The following PHKB variants were observed in gnomAD, a reference collection of about 807,000 sequenced individuals.
The protein encoded by PHKB is phosphorylase b kinase regulatory subunit beta.
Under a neutral mutation model 152.1 loss-of-function variants are expected in PHKB, and 122 were observed. The observed-to-expected ratio is 0.80, with a 90% CI of 0.69 to 0.93. The LOEUF (loss-of-function observed/expected upper bound fraction) is 0.93, where lower values mean the gene tolerates loss of function less well. PHKB is among the 40% of genes least tolerant of loss of function. The probability of loss-of-function intolerance (pLI) is 0.00; values close to 1 mark genes in which losing one functional copy is unlikely to be tolerated. For synonymous variants in PHKB, 436 were observed against 464.9 expected (o/e 0.94, Z 0.80); for missense variants, 1,304 against 1,328.4 (o/e 0.98, Z 0.29).
intron 1 of PHKB, among the ~76,000 whole-genome samples, chr16:47,487,633 C>A (rs1970072192): frequency 6.6e-6 from 1 of 152,106 alleles, no homozygotes; most frequent in South Asian, 2.1e-4. Flanking sequence ...GTCTATTGTT[C>A]CCTTCTTTGT....
chr16:47,674,691 G>A (rs952668991), intron 26 of PHKB, among the ~76,000 whole-genome samples: 7 of 152,298 alleles, frequency 4.6e-5, no homozygotes, highest in South Asian at 4.1e-4. Context: ...AGACTAACCC[G>A]TCTTTGTAGG....
chr16:47,530,042 T>C (rs1970834173), intron 6 of PHKB: 1 of 151,990 alleles, frequency 6.6e-6, no homozygotes, highest in Non-Finnish European at 1.5e-5. Context: ...TAATAAAATA[T>C]ATCTACCAAA....
chr16:47,492,546 G>A (rs1396773530), intron 1 of PHKB, among the ~76,000 whole-genome samples: 1 of 152,196 alleles, frequency 6.6e-6, no homozygotes, highest in African/African-American at 2.4e-5. Flanking sequence ...CCTTCTGGCT[G>A]GGGGAGCGGA....
chr16:47,657,625 T>C (rs902291781), intron 20 of PHKB, among the ~76,000 whole-genome samples: 2 of 152,190 alleles, frequency 1.3e-5, no homozygotes, highest in South Asian at 4.1e-4. Flanking sequence ...ATTTTTTTTT[T>C]AATCAAAAGC....
intron 14 of PHKB, among the ~76,000 whole-genome samples, chr16:47,616,731 A>G (rs1206038950): frequency 8.0e-5 from 12 of 150,836 alleles, no homozygotes; most frequent in African/African-American, 2.9e-4. Context: ...AACCTAACCC[A>G]GCGGTGCTAG....
chr16:47,486,202 G>A (rs1186112083), intron 1 of PHKB, among the ~76,000 whole-genome samples: 1 of 152,088 alleles, frequency 6.6e-6, no homozygotes, highest in African/African-American at 2.4e-5. Context: ...GCAGAAGATC[G>A]AACAATTAAC....
chr16:47,583,932 G>A (rs1386087114), intron 8 of PHKB, among the ~76,000 whole-genome samples: 1 of 151,990 alleles, frequency 6.6e-6, no homozygotes. Context: ...CAGCATATGA[G>A]ATAAAACAAA....
intron 1 of PHKB, among the ~76,000 whole-genome samples, chr16:47,484,152 T>A (rs995245854): frequency 2.0e-5 from 3 of 152,182 alleles, no homozygotes; most frequent in African/African-American, 7.2e-5. Context: ...ACATGAAACA[T>A]CAACCAGGTT....
chr16:47,614,448 C>A (rs1254207413), intron 14 of PHKB, among the ~76,000 whole-genome samples: 1 of 152,168 alleles, frequency 6.6e-6, no homozygotes. Context: ...GAAGAATATC[C>A]TACAGGTTAT....
At chr16:47,582,747 A>G (rs950028787) in intron 8 of PHKB, among the ~76,000 whole-genome samples, 5 of 152,184 alleles carry the variant, frequency 3.3e-5, no homozygotes, top group Non-Finnish European at 4.4e-5. Context: ...TGAATTGACT[A>G]CTACTTGATT....
chr16:47,558,011 T>G (rs1971408080), intron 7 of PHKB, among the ~76,000 whole-genome samples: 1 of 151,274 alleles, frequency 6.6e-6, no homozygotes. Context: ...TAGACTGGAT[T>G]AAGAAAATGT....
At chr16:47,475,343 C>G (rs1969850367) in intron 1 of PHKB, among the ~76,000 whole-genome samples, 1 of 152,094 alleles carries the variant, frequency 6.6e-6, no homozygotes, top group African/African-American at 2.4e-5. Context: ...CATGCTTTTT[C>G]TTTCTTTTTC....
At position 47,587,311 on chromosome 16, in the gene PHKB, C is replaced by T. The variant is rs1282334755; in HGVS notation, c.775-357C>T. On this transcript the variant is annotated intron_variant, in intron 8 of 30. Transcript: ENST00000323584. ...CAATATTTATGAGGAATGTACAACTCGGATTTTATGAATCTGCATTCTCAT... is the reference window on the plus strand; with the variant it reads ...CAATATTTATGAGGAATGTACAACTTGGATTTTATGAATCTGCATTCTCAT... Among the ~76,000 whole-genome samples the T allele has an allele frequency of 2.0e-5, 3 of 152,066 alleles. 1 individual carries two copies. The highest frequency in any genetic ancestry group is 2.9e-5 in the Non-Finnish European group (2 of 68,008).
intron 4 of PHKB, chr16:47,505,528 A>T (rs1416302564): frequency 6.6e-6 from 1 of 152,238 alleles, no homozygotes; most frequent in African/African-American, 2.4e-5. Context: ...GAGAGCACAT[A>T]GCACAAGGGC....
rs780650043 is a variant in PHKB, at chr16:47,463,968, T to C, written c.76+2542T>C. 4.3e-6 allele frequency: 7 copies of C among 1,613,502 alleles called. No homozygotes were observed. The African/African-American group carries it at 9.3e-5, about 22-fold the overall frequency. ...CCTGCTCACCTGATGCAGTCGTCTC[T>C]CCGTCTTCCGCTTTCTTAAGGTCTG... On this transcript the variant is annotated intron_variant, in intron 1 of 30. Transcript: ENST00000323584.
intron 26 of PHKB, among the ~76,000 whole-genome samples, chr16:47,687,324 A>C (rs989096321): frequency 2.0e-5 from 3 of 152,238 alleles, no homozygotes; most frequent in Non-Finnish European, 2.9e-5. Context: ...TAATTTCATA[A>C]GCAGCTTTAA....
intron 26 of PHKB, among the ~76,000 whole-genome samples, chr16:47,683,186 C>T (rs1567355221): frequency 6.6e-6 from 1 of 152,200 alleles, no homozygotes; most frequent in African/African-American, 2.4e-5. Context: ...TGGGGGGTGC[C>T]TCCCAGTTAG....
At chr16:47,633,366 T>G (rs772628564) in intron 14 of PHKB, among the ~76,000 whole-genome samples, 15 of 152,170 alleles carry the variant, frequency 9.9e-5, no homozygotes, top group Non-Finnish European at 2.1e-4. Flanking sequence ...ATTGCTTTTC[T>G]TTTAGTGCAA....
chr16:47,692,436 C>T (rs544392900), intron 27 of PHKB, among the ~76,000 whole-genome samples: 2 of 152,130 alleles, frequency 1.3e-5, no homozygotes, highest in Admixed American at 1.3e-4. Context: ...GACAACATAG[C>T]CAGACCCCAT....
Sources: gnomAD v4.1 joint callset for allele counts (sites outside exome capture counted in the v4.1 genomes callset) on GRCh38, gnomAD v4.1.1 for gene constraint, MANE v1.5 for transcripts, NCBI Gene and HGNC (gene_info 2026-07-23, HGNC 2026-07-21) for gene names.